LIX1L: variants seen among roughly 807,000 people sequenced by gnomAD.
LIX1L encodes the protein LIX1-like protein.
LIX1L carries 20 observed loss-of-function variants against 34.0 expected under a neutral mutation model. The observed-to-expected ratio is 0.59, with a 90% confidence interval of 0.41 to 0.85. LIX1L has a LOEUF of 0.85. Among genes scored for constraint, LIX1L ranks in the 40% least tolerant of loss-of-function variants. The pLI is 0.00. For missense variants in LIX1L, 397 were observed against 447.0 expected (o/e 0.89, Z 1.01); for synonymous variants, 170 against 187.4 (o/e 0.91, Z 0.76).
rs782319764 is a variant in LIX1L, at chr1:145,957,707, G to A, written c.221C>T (p.Pro74Leu). The part of the protein sequence containing the change: ...LPLPPGAAGS[P>L]AVLREAVEAV... ...CTCCACGGCCTCTCGCAGCACTGCC[G>A]GGCTGCCGGCGGCGCCGGGGGGCAG... is the stretch of plus-strand genomic sequence containing the variant. Residue 74 changes from proline to leucine, a missense_variant, in exon 1 of 6, where the codon CCG becomes CTG. Pro to Leu is a moderately conservative substitution (Grantham distance 98, BLOSUM62 -3). Coordinates refer to ENST00000604000, the MANE Select transcript of LIX1L (RefSeq NM_153713.3). 1.3e-6 allele frequency: 2 copies of A among 1,503,956 alleles called. No homozygotes were observed. Among genetic ancestry groups the A allele is most frequent in the East Asian group, 2.8e-5 (1 of 35,196 alleles). The allele number at this position is 1,503,956 out of a possible 1,614,324, so 93.2% of individuals were successfully genotyped here.
rs1648542430 is a variant in LIX1L, at chr1:145,934,383, C to CA, written c.*1926dup. The CA allele has an allele frequency of 6.6e-6, 1 of 151,958 alleles. No individual in the cohort carries two copies. The highest frequency in any genetic ancestry group is 1.5e-5 in the Non-Finnish European group (1 of 68,024). 9.4% of individuals were successfully genotyped at this position (151,958 alleles called of 1,614,324 possible). On this transcript the variant is annotated 3_prime_UTR_variant, in exon 6 of 6. Coordinates refer to ENST00000604000, the MANE Select transcript of LIX1L (RefSeq NM_153713.3). ...AGTCAGGAAATCGAGACCATCCTGT[C>CA]AAACACGGTGAAACCCCGTCTCTAC...
At chr1:145,952,812 T>C (rs896187965) in intron 1 of LIX1L, among the ~76,000 whole-genome samples, 1 of 152,182 alleles carries the variant, frequency 6.6e-6, no homozygotes, top group Non-Finnish European at 1.5e-5. Context: ...GGTTTCGCCA[T>C]GTTGGCCAGG....
intron 1 of LIX1L, among the ~76,000 whole-genome samples, chr1:145,954,812 C>A (rs1649413410): frequency 6.6e-6 from 1 of 152,182 alleles, no homozygotes; most frequent in South Asian, 2.1e-4. Context: ...GTGCTGCATG[C>A]TTTATATTCG....
At chr1:145,946,330 C>T (rs1326737044) in intron 2 of LIX1L, among the ~76,000 whole-genome samples, 1 of 151,634 alleles carries the variant, frequency 6.6e-6, no homozygotes, top group Non-Finnish European at 1.5e-5. Flanking sequence ...TCCTAAGTAG[C>T]TGGGATTACA....
Position 145,957,894 on chromosome 1 carries a change from C to A in LIX1L, c.34G>T (p.Gly12Cys). 1.3e-6 allele frequency: 2 copies of A among 1,488,550 alleles called. No individual in the cohort carries two copies. The highest frequency in any genetic ancestry group is 2.9e-5 in the East Asian group (1 of 34,680). 92.2% of individuals were successfully genotyped at this position (1,488,550 alleles called of 1,614,324 possible). A position where few individuals can be genotyped will look rare whatever the true frequency, so the allele number is the denominator to read the frequency against. The change falls in exon 1 of 6, where the codon GGT (glycine) becomes TGT (cysteine). Residue 12 changes from glycine to cysteine, a missense_variant. Physicochemically the swap from Gly to Cys is radical, Grantham distance 159. Coordinates refer to ENST00000604000, the MANE Select transcript of LIX1L (RefSeq NM_153713.3). ...GTGCCCCTCCCGCTGGTGCCCACAC[C>A]AGGCTGCAGCCGCTGCGCTCGCATA... ...ETMRAQRLQP[G>C]VGTSGRGTLR...
intron 2 of LIX1L, among the ~76,000 whole-genome samples, chr1:145,945,651 G>A (rs1265564772): frequency 6.6e-6 from 1 of 151,674 alleles, no homozygotes; most frequent in African/African-American, 2.4e-5. Flanking sequence ...GGGAGGCTGA[G>A]GCAGGGAGAA....
rs370597290 is a variant in LIX1L at position 145,936,506 on chromosome 1, C to T, written c.818G>A (p.Arg273His). ...YSHRALDDDI[R>H]HQMALDWVSR... ...CACCCAGTCCAAGGCCATTTGGTGGCGAATATCATCATCCAGGGCCCGGTG... is the reference window on the plus strand; with the variant it reads ...CACCCAGTCCAAGGCCATTTGGTGGTGAATATCATCATCCAGGGCCCGGTG... Residue 273 changes from arginine to histidine, a missense_variant, in exon 6 of 6, where the codon CGC becomes CAC. Physicochemically the swap from Arg to His is conservative, Grantham distance 29 (BLOSUM62 0). Transcript: ENST00000604000. The T allele has an allele frequency of 5.6e-6, 9 of 1,613,968 alleles. No homozygotes were observed. Among genetic ancestry groups the T allele is most frequent in the African/African-American group, 2.7e-5 (2 of 74,882 alleles).
intron 3 of LIX1L, chr1:145,940,131 A>G (rs1369581987): frequency 6.6e-6 from 1 of 151,836 alleles, no homozygotes; most frequent in Non-Finnish European, 1.5e-5. Context: ...ACACCCAGCT[A>G]ATTTTTATAT....
At chr1:145,957,255 G>A (rs1649503858) in intron 1 of LIX1L, among the ~76,000 whole-genome samples, 1 of 152,108 alleles carries the variant, frequency 6.6e-6, no homozygotes, top group South Asian at 2.1e-4. Flanking sequence ...AGACTGAGAG[G>A]GTATGGATGA....
At chr1:145,947,221 G>A (rs1250835148) in intron 2 of LIX1L, 1 of 184,580 alleles carries the variant, frequency 5.4e-6, no homozygotes, top group African/African-American at 2.3e-5. Flanking sequence ...ACCTCTTAGA[G>A]AACTCCAACA....
chr1:145,937,620 G>A lies in LIX1L; in HGVS notation c.677C>T (p.Ser226Leu), dbSNP rs1553758015. ...RFMLESNKGKSMLEFQELMTV... is the reference protein window; with the variant it reads ...RFMLESNKGKLMLEFQELMTV... The stretch of plus-strand genomic sequence containing the variant: ...GGAAAGTACCTGGAACTCCAACATT[G>A]ATTTGCCCTTGTTGGATTCCAGCAT... The change falls in exon 4 of 6, where the codon TCA becomes TTA. Residue 226 changes from serine (S) to leucine (L), a missense_variant. Around this residue, in one of 3 missense-constraint regions of LIX1L, gnomAD observed 174 missense variants for 204.0 expected, o/e 0.85. Transcript: ENST00000604000. 1 of 1,612,678 alleles carries A rather than the reference G, an allele frequency of 6.2e-7. No individual in the cohort carries two copies. The highest frequency in any genetic ancestry group is 8.5e-7 in the Non-Finnish European group (1 of 1,178,868).
chr1:145,939,063 A>T (rs1411376432), intron 3 of LIX1L, among the ~76,000 whole-genome samples: 1 of 151,266 alleles, frequency 6.6e-6, no homozygotes, highest in Non-Finnish European at 1.5e-5. Context: ...TGCAGCCTCA[A>T]TCTCCCCAGG....
intron 1 of LIX1L, among the ~76,000 whole-genome samples, 192 bp downstream of exon 1, chr1:145,957,443 TA>T (rs2101912452): frequency 6.6e-6 from 1 of 152,220 alleles, no homozygotes; most frequent in East Asian, 1.9e-4. Flanking sequence ...AATAACTCAG[TA>T]AAGGGGAGGA....
In LIX1L at chr1:145,935,526, T is replaced by C. The variant is rs1648605258; in HGVS notation, c.*784A>G. The stretch of plus-strand genomic sequence containing the variant: ...GGCAGGAAGGTCCAAACGCAGGGTT[T>C]AACTAAGCTGGGGGAGTAGGGGAGA... On this transcript the variant is annotated 3_prime_UTR_variant, in exon 6 of 6. Transcript: ENST00000604000. 1 of 152,540 alleles carries C rather than the reference T, an allele frequency of 6.6e-6. No homozygotes were observed. Among genetic ancestry groups the C allele is most frequent in the African/African-American group, 2.4e-5 (1 of 41,512 alleles). The allele number at this position is 152,540 out of a possible 1,614,324, so 9.4% of individuals were successfully genotyped here. A position where few individuals can be genotyped will look rare whatever the true frequency, so the allele number is the denominator to read the frequency against.
intron 2 of LIX1L, among the ~76,000 whole-genome samples, chr1:145,943,168 G>A (rs888661047): frequency 2.6e-5 from 4 of 152,134 alleles, no homozygotes; most frequent in South Asian, 4.1e-4. Flanking sequence ...TTAAACTGTC[G>A]ACAGAATTAG....
At chr1:145,950,986 G>A (rs1649279623) in intron 1 of LIX1L, among the ~76,000 whole-genome samples, 1 of 152,144 alleles carries the variant, frequency 6.6e-6, no homozygotes, top group Admixed American at 6.5e-5. Flanking sequence ...CACTTAATAG[G>A]TACATGGCAT....
At chr1:145,955,746 T>C (rs1479524666) in intron 1 of LIX1L, among the ~76,000 whole-genome samples, 1 of 152,080 alleles carries the variant, frequency 6.6e-6, no homozygotes, top group Non-Finnish European at 1.5e-5. Flanking sequence ...TCAAGAATAA[T>C]GAGAAAGACT....
chr1:145,947,867 T>G, intron 1 of LIX1L, 85 bp from the exon 2 acceptor site: 2 of 1,226,620 alleles, frequency 1.6e-6, no homozygotes, highest in Non-Finnish European at 2.4e-6. Context: ...CTGTAACCTG[T>G]ACCTACATTA....
At chr1:145,951,120 C>G (rs1553759800) in intron 1 of LIX1L, among the ~76,000 whole-genome samples, 1 of 152,182 alleles carries the variant, frequency 6.6e-6, no homozygotes, top group East Asian at 1.9e-4. Flanking sequence ...AATCTTGGCT[C>G]ACTGCAACCT....
Sources: allele counts gnomAD v4.1 joint callset (sites outside exome capture counted in the v4.1 genomes callset), GRCh38; gene constraint gnomAD v4.1.1; regional missense constraint gnomAD v4.1.1; transcripts MANE v1.5; gene names NCBI Gene and HGNC (gene_info 2026-07-23, HGNC 2026-07-21).